Variants in PHF21A observed in about 807,000 individuals in gnomAD.
The protein encoded by PHF21A is BHC80a.
Under a neutral mutation model 82.5 loss-of-function variants are expected in PHF21A, and 11 were observed. The observed-to-expected ratio is 0.13, with a 90% CI of 0.08 to 0.22. The LOEUF (loss-of-function observed/expected upper bound fraction) is 0.22. Ranked by LOEUF, PHF21A falls within the 10% of genes least tolerant of loss-of-function variation. PHF21A has a pLI of 1.00. For synonymous variants in PHF21A, 297 were observed against 302.8 expected, an observed-to-expected ratio of 0.98 and a Z score of 0.20; for missense variants, 579 against 837.8, an observed-to-expected ratio of 0.69 and a Z score of 3.81.
intron 7 of PHF21A, among the ~76,000 whole-genome samples, chr11:45,977,136 ATTT>A (rs1232628402): frequency 3.1e-5 from 4 of 128,054 alleles, no homozygotes; most frequent in Admixed American, 7.9e-5. Context: ...GCTTCCTTTG[ATTT>A]TTTTTTTTTT....
At position 45,950,217 on chromosome 11, in the gene PHF21A, T is replaced by C; in HGVS notation, c.1136A>G (p.Asp379Gly). ...ATATCTTCTCTTACCTTCTAGATGGTCATGTGTTACCAACCCTAGAGACAC... is the reference window on the plus strand; with the variant it reads ...ATATCTTCTCTTACCTTCTAGATGGCCATGTGTTACCAACCCTAGAGACAC... Reference protein sequence around the residue: ...FMVSLGLVTHDHLEEIQSKRQ... With the variant: ...FMVSLGLVTHGHLEEIQSKRQ... Residue 379 changes from aspartate to glycine, a missense_variant, in exon 12 of 19, where the codon GAC becomes GGC. Asp to Gly is a moderately conservative substitution (Grantham distance 94). Coordinates refer to ENST00000676320, the MANE Select transcript of PHF21A (RefSeq NM_001352027.3). 1.9e-6 allele frequency: 3 copies of C among 1,608,714 alleles called. No homozygotes were observed. The highest frequency in any genetic ancestry group is 2.5e-6 in the Non-Finnish European group (3 of 1,176,752).
At chr11:45,939,626 C>T (rs1236567910) in intron 15 of PHF21A, among the ~76,000 whole-genome samples, 1 of 152,076 alleles carries the variant, frequency 6.6e-6, no homozygotes, top group Non-Finnish European at 1.5e-5. Flanking sequence ...CGAGCAGCCC[C>T]AGTCTGTTCT....
At chr11:45,991,821 C>A (rs924489881) in intron 6 of PHF21A, among the ~76,000 whole-genome samples, 1 of 152,074 alleles carries the variant, frequency 6.6e-6, no homozygotes, top group Non-Finnish European at 1.5e-5. Context: ...ATATCTTTAC[C>A]TCTATAGCAC....
Position 45,933,477 on chromosome 11 carries a change from T to A in PHF21A, c.*491A>T, listed in dbSNP as rs2087966081. The A allele has an allele frequency of 6.5e-6, 1 of 153,124 alleles. No homozygotes were observed. The highest frequency in any genetic ancestry group is 1.5e-5 in the Non-Finnish European group (1 of 68,410). 9.5% of individuals were successfully genotyped at this position (153,124 alleles called of 1,614,324 possible). On this transcript the variant is annotated 3_prime_UTR_variant, in exon 19 of 19. Coordinates refer to ENST00000676320, the MANE Select transcript of PHF21A (RefSeq NM_001352027.3). ...TGGGGTTGGTGAAATCTCAATTCCTTTTTTTGGTTTTATAGTAGCGAAAGT... is the reference window on the plus strand; with the variant it reads ...TGGGGTTGGTGAAATCTCAATTCCTATTTTTGGTTTTATAGTAGCGAAAGT...
At chr11:46,022,135 CTGTT>C (rs1326507535) in intron 6 of PHF21A, among the ~76,000 whole-genome samples, 8 of 152,094 alleles carry the variant, frequency 5.3e-5, no homozygotes, top group African/African-American at 1.4e-4. Flanking sequence ...AAACCATGTA[CTGTT>C]TGTTTCTTTC....
intron 6 of PHF21A, among the ~76,000 whole-genome samples, chr11:46,000,952 T>C (rs1250930197): frequency 6.6e-6 from 1 of 151,794 alleles, no homozygotes; most frequent in African/African-American, 2.4e-5. Flanking sequence ...AATAAATAAA[T>C]AAATTTATAT....
intron 1 of PHF21A, among the ~76,000 whole-genome samples, chr11:46,112,612 C>G (rs2097230572): frequency 6.6e-6 from 1 of 152,180 alleles, no homozygotes. Context: ...TACACTAAAA[C>G]CACATTTATT....
intron 11 of PHF21A, among the ~76,000 whole-genome samples, chr11:45,953,147 G>C (rs1478875323): frequency 6.6e-6 from 1 of 152,184 alleles, no homozygotes; most frequent in Non-Finnish European, 1.5e-5. Flanking sequence ...TTAGCTGAGT[G>C]AACTAGATAT....
chr11:46,057,813 C>T (rs1385278285), intron 6 of PHF21A, among the ~76,000 whole-genome samples: 1 of 152,134 alleles, frequency 6.6e-6, no homozygotes, highest in African/African-American at 2.4e-5. Flanking sequence ...TGAGAGCCGA[C>T]TCAGAGGTGC....
At chr11:46,082,005 T>C (rs891412071) in intron 4 of PHF21A, among the ~76,000 whole-genome samples, 22 of 152,272 alleles carry the variant, frequency 1.4e-4, no homozygotes, top group African/African-American at 5.3e-4. Context: ...AATTTAAATG[T>C]GACTTCCATC....
chr11:45,971,047 G>A, intron 8 of PHF21A, 69 bp downstream of exon 8: 1 of 1,536,940 alleles, frequency 6.5e-7, no homozygotes, highest in Non-Finnish European at 8.8e-7. Context: ...GCCTAGAAGG[G>A]ATATACTATA....
chr11:46,049,393 T>C, intron 6 of PHF21A: 2 of 454,666 alleles, frequency 4.4e-6, no homozygotes, highest in Non-Finnish European at 8.8e-6. Context: ...CCGGCCCAAA[T>C]ACATACGTTC....
chr11:46,107,443 T>C (rs1026001824), intron 1 of PHF21A, among the ~76,000 whole-genome samples: 1 of 152,224 alleles, frequency 6.6e-6, no homozygotes, highest in Admixed American at 6.5e-5. Flanking sequence ...AGCATATTTA[T>C]GAATGCTACC....
chr11:46,027,850 T>G (rs2095783067), intron 6 of PHF21A, among the ~76,000 whole-genome samples: 1 of 152,246 alleles, frequency 6.6e-6, no homozygotes, highest in South Asian at 2.1e-4. Context: ...ATATTTTACT[T>G]TATTTGTAGT....
At chr11:46,115,090 A>T (rs1212982148) in intron 1 of PHF21A, among the ~76,000 whole-genome samples, 1 of 152,218 alleles carries the variant, frequency 6.6e-6, no homozygotes, top group Non-Finnish European at 1.5e-5. Flanking sequence ...CCTTCAACTG[A>T]GATATTTTCA....
chr11:45,970,168 T>C (rs2093667250), intron 8 of PHF21A: 1 of 364,662 alleles, frequency 2.7e-6, no homozygotes, highest in Admixed American at 4.8e-5. Context: ...TCTTAGACAA[T>C]TTTCTTTGAC....
chr11:46,042,394 C>T (rs547652435), intron 6 of PHF21A, among the ~76,000 whole-genome samples: 22 of 152,172 alleles, frequency 1.4e-4, no homozygotes, highest in Non-Finnish European at 2.2e-4. Context: ...AGTGCAACTC[C>T]GGAAAGTTCA....
intron 1 of PHF21A, among the ~76,000 whole-genome samples, chr11:46,107,642 A>C (rs994455501): frequency 1.3e-5 from 2 of 152,212 alleles, no homozygotes; most frequent in African/African-American, 4.8e-5. Context: ...TTTTTTAAAA[A>C]CTTTTATAAC....
intron 6 of PHF21A, chr11:46,049,542 G>C: frequency 2.2e-6 from 1 of 454,712 alleles, no homozygotes. Context: ...GTAGAAGAGG[G>C]TGTGGCGGGG....
Sources: allele counts gnomAD v4.1 joint callset (sites outside exome capture counted in the v4.1 genomes callset), GRCh38; gene constraint gnomAD v4.1.1; transcripts MANE v1.5; gene names NCBI Gene and HGNC (gene_info 2026-07-23, HGNC 2026-07-21).